Variants in ST6GALNAC3 observed in about 807,000 individuals in gnomAD.
The protein encoded by ST6GALNAC3 is ST6 N-acetylgalactosaminide alpha-2,6-sialyltransferase 3.
In ST6GALNAC3, 25 loss-of-function variants were observed where a neutral mutation model predicts 32.7. That is an observed-to-expected ratio of 0.76 (90% CI 0.56 to 1.07). ST6GALNAC3 has a LOEUF of 1.07. Among genes scored for constraint, ST6GALNAC3 ranks in the 50% least tolerant of loss-of-function variants. The pLI, the probability that ST6GALNAC3 is intolerant of heterozygous loss-of-function variation, is 0.00. For missense variants in ST6GALNAC3, 355 were observed against 382.4 expected (o/e 0.93, Z 0.60); for synonymous variants, 129 against 133.1 (o/e 0.97, Z 0.21).
At chr1:76,254,999 T>C (rs1370370314) in intron 1 of ST6GALNAC3, among the ~76,000 whole-genome samples, 1 of 151,638 alleles carries the variant, frequency 6.6e-6, no homozygotes, top group African/African-American at 2.4e-5. Flanking sequence ...TCAGCTAGCC[T>C]TCTGCGTGGT....
At chr1:76,208,113 G>A in intron 1 of ST6GALNAC3, among the ~76,000 whole-genome samples, 1 of 83,542 alleles carries the variant, frequency 1.2e-5, no homozygotes, top group East Asian at 1.6e-3. Flanking sequence ...TCAGGATCCT[G>A]TAACCCACTT....
chr1:76,508,715 A>C (rs1240480691), intron 3 of ST6GALNAC3, among the ~76,000 whole-genome samples: 3 of 152,174 alleles, frequency 2.0e-5, no homozygotes, highest in Non-Finnish European at 4.4e-5. Flanking sequence ...CTAGGTGATC[A>C]TCAGGTAGCA....
chr1:76,604,049 A>G (rs1647370533), intron 3 of ST6GALNAC3, among the ~76,000 whole-genome samples: 1 of 152,206 alleles, frequency 6.6e-6, no homozygotes, highest in Non-Finnish European at 1.5e-5. Context: ...TGAACTACAT[A>G]CAGAATTGGC....
intron 1 of ST6GALNAC3, among the ~76,000 whole-genome samples, chr1:76,262,179 C>G (rs1053705937): frequency 2.6e-5 from 4 of 152,192 alleles, no homozygotes; most frequent in Middle Eastern, 3.2e-3. Flanking sequence ...TACCAATGAT[C>G]CCTTAATCAT....
chr1:76,611,391 T>C (rs1647924050), intron 3 of ST6GALNAC3, among the ~76,000 whole-genome samples: 1 of 152,210 alleles, frequency 6.6e-6, no homozygotes, highest in African/African-American at 2.4e-5. Context: ...ATATCGGTTG[T>C]GTTTCTTTTG....
chr1:76,575,803 G>T (rs982066430), intron 3 of ST6GALNAC3, among the ~76,000 whole-genome samples: 1 of 152,008 alleles, frequency 6.6e-6, no homozygotes, highest in Non-Finnish European at 1.5e-5. Flanking sequence ...TAGAGAAGTA[G>T]CATCTTTTCT....
At chr1:76,511,393 C>G (rs1364075634) in intron 3 of ST6GALNAC3, among the ~76,000 whole-genome samples, 2 of 152,114 alleles carry the variant, frequency 1.3e-5, no homozygotes, top group Non-Finnish European at 2.9e-5. Context: ...TGTGCTGTTT[C>G]AGGCCCATGG....
At chr1:76,471,776 T>C (rs1409339955) in intron 3 of ST6GALNAC3, among the ~76,000 whole-genome samples, 1 of 152,140 alleles carries the variant, frequency 6.6e-6, no homozygotes, top group Non-Finnish European at 1.5e-5. Flanking sequence ...TTAGGCATCA[T>C]TTTTGAAACC....
intron 1 of ST6GALNAC3, among the ~76,000 whole-genome samples, chr1:76,235,726 A>C (rs1656613681): frequency 6.7e-6 from 1 of 148,290 alleles, no homozygotes. Flanking sequence ...GGTGACTTAA[A>C]TGAGAAACTT....
At position 76,633,173 on chromosome 1, in the gene ST6GALNAC3, G is replaced by C. The variant is rs1020328075; in HGVS notation, c.*4367G>C. The C allele has an allele frequency of 1.4e-4, 21 of 152,164 alleles. No individual in the cohort carries two copies. Among genetic ancestry groups the C allele is most frequent in the Non-Finnish European group, 7.4e-5 (5 of 68,024 alleles). The allele number at this position is 152,164 out of a possible 1,614,324, so 9.4% of individuals were successfully genotyped here. A position where few individuals can be genotyped will look rare whatever the true frequency, so the allele number is the denominator to read the frequency against. On this transcript the variant is annotated 3_prime_UTR_variant, in exon 5 of 5. Transcript: ENST00000328299. ...TAAACTGGACTAATGGCAGTACTGA[G>C]ACTCAAATTCTTGTCTCATGTTTTC...
chr1:76,138,114 C>G (rs1312248496), intron 1 of ST6GALNAC3, among the ~76,000 whole-genome samples: 2 of 152,178 alleles, frequency 1.3e-5, no homozygotes, highest in African/African-American at 2.4e-5. Context: ...TTTTTGCTCT[C>G]AAAGACCTAA....
intron 2 of ST6GALNAC3, among the ~76,000 whole-genome samples, chr1:76,393,988 A>G (rs12046895): frequency 0.29 from 43,959 of 152,052 alleles, 7,683 homozygotes; most frequent in East Asian, 0.6. Context: ...TTCCATATCC[A>G]TAGAGCATCT....
chr1:76,139,021 C>T (rs58685142), intron 1 of ST6GALNAC3, among the ~76,000 whole-genome samples: 4 of 151,948 alleles, frequency 2.6e-5, no homozygotes, highest in African/African-American at 9.7e-5. Flanking sequence ...GGTGAAACCC[C>T]GTCTCTACTA....
At chr1:76,356,811 T>C (rs1649492901) in intron 2 of ST6GALNAC3, among the ~76,000 whole-genome samples, 1 of 152,324 alleles carries the variant, frequency 6.6e-6, no homozygotes, top group South Asian at 2.1e-4. Context: ...ACTATTATAA[T>C]AGCCACCAAG....
intron 3 of ST6GALNAC3, among the ~76,000 whole-genome samples, chr1:76,543,552 C>T (rs148005651): frequency 8.5e-5 from 13 of 152,222 alleles, no homozygotes; most frequent in East Asian, 7.7e-4. Context: ...ATATGGGTGC[C>T]GTGTTTCTTC....
intron 3 of ST6GALNAC3, among the ~76,000 whole-genome samples, chr1:76,463,637 A>C (rs568550730): frequency 6.6e-6 from 1 of 152,174 alleles, no homozygotes; most frequent in Non-Finnish European, 1.5e-5. Context: ...TAAAAAATGA[A>C]TGAGATTCAC....
At chr1:76,563,067 G>A (rs747737335) in intron 3 of ST6GALNAC3, among the ~76,000 whole-genome samples, 3 of 152,122 alleles carry the variant, frequency 2.0e-5, no homozygotes, top group Non-Finnish European at 4.4e-5. Flanking sequence ...ACCCTTTCAG[G>A]CAACCTAACA....
chr1:76,256,097 G>A (rs904872051), intron 1 of ST6GALNAC3, among the ~76,000 whole-genome samples: 16 of 151,782 alleles, frequency 1.1e-4, no homozygotes, highest in Admixed American at 3.9e-4. Flanking sequence ...TTGAAAGTAT[G>A]TGATAGTTTT....
chr1:76,503,962 G>A (rs1432882634), intron 3 of ST6GALNAC3, among the ~76,000 whole-genome samples: 1 of 152,154 alleles, frequency 6.6e-6, no homozygotes, highest in Non-Finnish European at 1.5e-5. Context: ...TCAGAGGAAG[G>A]AACTGGGTTT....
Sources: allele counts gnomAD v4.1 joint callset (sites outside exome capture counted in the v4.1 genomes callset), GRCh38; gene constraint gnomAD v4.1.1; transcripts MANE v1.5; gene names NCBI Gene and HGNC (gene_info 2026-07-23, HGNC 2026-07-21).